The following PRUNE2 variants were observed in gnomAD, a reference collection of about 807,000 sequenced individuals.
The protein encoded by PRUNE2 is protein prune homolog 2.
Under a neutral mutation model 252.0 loss-of-function variants are expected in PRUNE2, and 164 were observed. The ratio of observed to expected loss-of-function variants is 0.65; its 90% confidence interval spans 0.57 to 0.74. The LOEUF (loss-of-function observed/expected upper bound fraction) is 0.74. Among genes scored for constraint, PRUNE2 ranks in the 30% least tolerant of loss-of-function variants. PRUNE2 has a pLI of 0.00. For missense variants in PRUNE2, 3,495 were observed against 3,711.0 expected (o/e 0.94, Z 1.51); for synonymous variants, 1,292 against 1,350.2 (o/e 0.96, Z 0.94).
chr9:76,859,473 C>T (rs1322076234), intron 1 of PRUNE2, among the ~76,000 whole-genome samples: 8 of 151,932 alleles, frequency 5.3e-5, no homozygotes, highest in Non-Finnish European at 1.2e-4. Flanking sequence ...CCTTCCTCCA[C>T]AGGCTTAGAA....
At position 76,653,784 on chromosome 9, in the gene PRUNE2, T is replaced by A. The variant is rs529271535; in HGVS notation, c.8357-1101A>T. 1.3e-4 allele frequency among the ~76,000 whole-genome samples: 20 copies of A among 152,278 alleles called. No homozygotes were observed. In the East Asian group the frequency reaches 3.9e-3, roughly 29 times the overall value. On this transcript the variant is annotated intron_variant, in intron 10 of 18. Transcript: ENST00000376718. ...ACTCACCCAAGCAGTCACCAGCTCT[T>A]ATGCCAATCTCGCTTGACATTGGTT...
chr9:76,829,113 C>T (rs1443287005), intron 4 of PRUNE2, among the ~76,000 whole-genome samples: 1 of 151,652 alleles, frequency 6.6e-6, no homozygotes, highest in Admixed American at 6.6e-5. Flanking sequence ...TGATAGACTG[C>T]TTGTACTAAG....
chr9:76,712,497 G>A (rs1344379995), intron 7 of PRUNE2, among the ~76,000 whole-genome samples: 1 of 139,946 alleles, frequency 7.1e-6, no homozygotes. Flanking sequence ...GAGGGTGGGT[G>A]GGGAGAAGAG....
intron 1 of PRUNE2, among the ~76,000 whole-genome samples, chr9:76,886,721 A>G (rs2062124562): frequency 6.6e-6 from 1 of 152,220 alleles, no homozygotes; most frequent in Non-Finnish European, 1.5e-5. Context: ...CACACAACCT[A>G]AAAATTAATG....
rs1028967826 is a variant in PRUNE2 at position 76,788,595 on chromosome 9, AAG to A, written c.756+35035_756+35036del. On this transcript the variant is annotated intron_variant, in intron 6 of 18. Coordinates refer to ENST00000376718, the MANE Select transcript of PRUNE2 (RefSeq NM_015225.3). ...GTGGCAAGTATTGAATAAATGCACA[AAG>A]AGCACTTAAAGCAGTGCTTGACACA... 1.1e-4 allele frequency: 78 copies of A among 697,168 alleles called. No individual in the cohort carries two copies. In the African/African-American group the frequency reaches 1.3e-3, roughly 12 times the overall value. The allele number at this position is 697,168 out of a possible 1,614,324, so 43.2% of individuals were successfully genotyped here. A position where few individuals can be genotyped will look rare whatever the true frequency, so the allele number is the denominator to read the frequency against.
chr9:76,718,708 C>T lies in PRUNE2; in HGVS notation c.757-4987G>A, dbSNP rs569864476. ...TTCCACTTTCTCCTTGATGATCTTA[C>T]CCAGCCACATGGCTTTAAAACCATT... On this transcript the variant is annotated intron_variant, in intron 6 of 18. Transcript: ENST00000376718. Among the ~76,000 whole-genome samples the T allele has an allele frequency of 6.2e-4, 94 of 152,078 alleles. 2 individuals are homozygous for T. Among genetic ancestry groups the T allele is most frequent in the Non-Finnish European group, 7.6e-4 (52 of 68,028 alleles).
chr9:76,712,696 G>GAA (rs1193982538), intron 7 of PRUNE2, among the ~76,000 whole-genome samples: 1 of 152,204 alleles, frequency 6.6e-6, no homozygotes, highest in Non-Finnish European at 1.5e-5. Context: ...GACCAAAGAT[G>GAA]AAATTTAGCT....
In PRUNE2 at chr9:76,683,070, G is replaced by A. The variant is rs1373088959; in HGVS notation, c.8276+20267C>T. On this transcript the variant is annotated intron_variant, in intron 9 of 18. Transcript: ENST00000376718. ...GATAACAGCACCTCTATTCCCCTTT[G>A]GGGAATAATTTCTGCATCACACTAA... 3.3e-5 allele frequency among the ~76,000 whole-genome samples: 5 copies of A among 152,108 alleles called. No homozygotes were observed. In the South Asian group the frequency reaches 8.3e-4, roughly 25 times the overall value.
chr9:76,894,535 A>G (rs937931537), intron 1 of PRUNE2, among the ~76,000 whole-genome samples: 2 of 152,184 alleles, frequency 1.3e-5, no homozygotes, highest in African/African-American at 4.8e-5. Flanking sequence ...CTATCTTCTC[A>G]GAGCCAGGTG....
intron 6 of PRUNE2, among the ~76,000 whole-genome samples, chr9:76,715,681 A>G (rs765967404): frequency 5.0e-4 from 76 of 152,206 alleles, no homozygotes; most frequent in Non-Finnish European, 9.7e-4. Flanking sequence ...GCCTAATAAC[A>G]ATCTTTAAGT....
rs1462622716 is a variant in PRUNE2 at position 76,746,682 on chromosome 9, G to A, written c.757-32961C>T. Reference sequence around the variant, plus strand: ...ATTGCGCCACTGCAGTCCGCAGTCCGGCCTGGGCAACAGAGCGAGACTCCG... The same window carrying A: ...ATTGCGCCACTGCAGTCCGCAGTCCAGCCTGGGCAACAGAGCGAGACTCCG... On this transcript the variant is annotated intron_variant, in intron 6 of 18. Transcript: ENST00000376718. Among the ~76,000 whole-genome samples, 20 of 138,390 alleles carry A rather than the reference G, an allele frequency of 1.4e-4. No homozygotes were observed. The South Asian group carries it at 3.3e-3, about 23-fold the overall frequency. 90.8% of individuals were successfully genotyped at this position (138,390 alleles called of 152,430 possible).
At chr9:76,810,641 C>T (rs2057295673) in intron 6 of PRUNE2, among the ~76,000 whole-genome samples, 1 of 152,216 alleles carries the variant, frequency 6.6e-6, no homozygotes, top group Admixed American at 6.5e-5. Context: ...AAAGAGATGT[C>T]TATCCTACAC....
chr9:76,741,810 A>G (rs962446393), intron 6 of PRUNE2, among the ~76,000 whole-genome samples: 8 of 152,184 alleles, frequency 5.3e-5, no homozygotes, highest in Non-Finnish European at 8.8e-5. Context: ...CCTCCTTGCA[A>G]CACATTTTCC....
In PRUNE2 at chr9:76,707,752, C is replaced by T; in HGVS notation, c.4522G>A (p.Glu1508Lys). 1 of 1,613,744 alleles carries T rather than the reference C, an allele frequency of 6.2e-7. No homozygotes were observed. The highest frequency in any genetic ancestry group is 8.5e-7 in the Non-Finnish European group (1 of 1,179,774). Residue 1508 changes from glutamate (E) to lysine (K), a missense_variant, in exon 8 of 19, where the codon GAG becomes AAG. Coordinates refer to ENST00000376718, the MANE Select transcript of PRUNE2 (RefSeq NM_015225.3). The stretch of plus-strand genomic sequence containing the variant: ...TTAACGTCAAGATTTTTGGTTATCT[C>T]AGAACATGTGCTGCTGACATGCACA... ...SDVHVSSTCS[E>K]ITKNLDVKGS... is the part of the protein sequence containing the mutation.
intron 9 of PRUNE2, among the ~76,000 whole-genome samples, chr9:76,672,143 G>A (rs2041621468): frequency 6.6e-6 from 1 of 151,068 alleles, no homozygotes; most frequent in African/African-American, 2.4e-5. Context: ...TCAGTGTGCT[G>A]TATTCAGGAA....
intron 12 of PRUNE2, among the ~76,000 whole-genome samples, chr9:76,639,000 G>A (rs1454779800): frequency 6.6e-6 from 1 of 152,094 alleles, no homozygotes; most frequent in Non-Finnish European, 1.5e-5. Flanking sequence ...TGACACATTG[G>A]GCTCTGGGAG....
At chr9:76,780,551 C>T (rs1320888632) in intron 6 of PRUNE2, among the ~76,000 whole-genome samples, 1 of 152,018 alleles carries the variant, frequency 6.6e-6, no homozygotes, top group Non-Finnish European at 1.5e-5. Context: ...ATTAGCCAGG[C>T]ATGGTGGCGG....
chr9:76,629,335 C>T (rs1385376107), intron 15 of PRUNE2, 45 bp from the exon 16 acceptor site: 2 of 1,009,334 alleles, frequency 2.0e-6, no homozygotes, highest in Non-Finnish European at 2.9e-6. Context: ...TAGTCACTAC[C>T]TTATCCATTC....
intron 11 of PRUNE2, among the ~76,000 whole-genome samples, chr9:76,647,329 A>G (rs1845339265): frequency 1.3e-5 from 2 of 152,232 alleles, no homozygotes; most frequent in Non-Finnish European, 2.9e-5. Context: ...CTGGGCATCC[A>G]CCTGTAAAAT....
Sources: allele counts gnomAD v4.1 joint callset (sites outside exome capture counted in the v4.1 genomes callset), GRCh38; gene constraint gnomAD v4.1.1; transcripts MANE v1.5; gene names NCBI Gene and HGNC (gene_info 2026-07-23, HGNC 2026-07-21).